Variants in CSMD2 observed in about 807,000 individuals in gnomAD.
CSMD2 encodes the protein CUB and sushi domain-containing protein 2.
In CSMD2, 130 loss-of-function variants were observed where a neutral mutation model predicts 398.5. The observed-to-expected ratio is 0.33, with a 90% CI of 0.28 to 0.38. The LOEUF is 0.38. Ranked by LOEUF, CSMD2 falls within the 10% of genes least tolerant of loss-of-function variation. The probability of loss-of-function intolerance (pLI) is 1.00; values close to 1 mark genes in which losing one functional copy is unlikely to be tolerated. For synonymous variants in CSMD2, 1,828 were observed against 1,908.5 expected, an observed-to-expected ratio of 0.96 and a Z score of 1.10; for missense variants, 3,829 against 4,764.9, an observed-to-expected ratio of 0.80 and a Z score of 5.78.
chr1:33,538,830 A>G (rs1183923220), intron 60 of CSMD2, among the ~76,000 whole-genome samples: 1 of 152,236 alleles, frequency 6.6e-6, no homozygotes, highest in African/African-American at 2.4e-5. Flanking sequence ...GCATCCAGAA[A>G]CATTCTCATT....
In CSMD2 at chr1:33,537,448, G is replaced by A. The variant is rs200647732; in HGVS notation, c.9793C>T (p.Pro3265Ser). ...QSDGTWSGTQ[P>S]SCIDPTLTTC... is the part of the protein sequence containing the mutation. ...GATGACCTCTCACCTATGCAGCTGG[G>A]CTGGGTGCCACTCCATGTCCCATCT... Residue 3265 changes from proline (P) to serine (S), a missense_variant, in exon 61 of 71, where the codon CCC becomes TCC. Around this residue, in one of 5 missense-constraint regions of CSMD2, gnomAD observed 917 missense variants for 1,199.5 expected, o/e 0.76. Transcript: ENST00000373381. The surrounding 1 kb of genome is among the most constrained non-coding windows in gnomAD (Gnocchi z 4.6). The A allele has an allele frequency of 6.2e-7, 1 of 1,612,738 alleles. No homozygotes were observed. Among genetic ancestry groups the A allele is most frequent in the Non-Finnish European group, 8.5e-7 (1 of 1,179,326 alleles).
intron 10 of CSMD2, among the ~76,000 whole-genome samples, chr1:33,805,278 A>C (rs1340055296): frequency 2.6e-5 from 4 of 152,220 alleles, no homozygotes; most frequent in Non-Finnish European, 4.4e-5. Flanking sequence ...ATATGATTTC[A>C]TGGTATTAAG....
In CSMD2 at chr1:33,640,833, A is replaced by G. The variant is rs558759413; in HGVS notation, c.4775-4279T>C. On this transcript the variant is annotated intron_variant, in intron 29 of 70. Coordinates refer to ENST00000373381, the MANE Select transcript of CSMD2 (RefSeq NM_001281956.2). ...AAGATAGTTCTAATTTGCATTTAAGAAGAATGACCCATAACAGCAGCAGGT... is the reference window on the plus strand; with the variant it reads ...AAGATAGTTCTAATTTGCATTTAAGGAGAATGACCCATAACAGCAGCAGGT... Among the ~76,000 whole-genome samples, 69 of 152,318 alleles carry G rather than the reference A, an allele frequency of 4.5e-4. No individual in the cohort carries two copies. In the South Asian group the frequency reaches 5.0e-3, roughly 11 times the overall value.
chr1:33,552,276 A>G (rs752583783), intron 55 of CSMD2, among the ~76,000 whole-genome samples: 7 of 152,228 alleles, frequency 4.6e-5, no homozygotes, highest in Admixed American at 1.3e-4. Context: ...AAGAATATGG[A>G]GAAATTGTAA....
intron 10 of CSMD2, among the ~76,000 whole-genome samples, chr1:33,793,618 T>C (rs1281865637): frequency 6.6e-6 from 1 of 152,134 alleles, no homozygotes; most frequent in East Asian, 1.9e-4. Context: ...AGTAGAGTTT[T>C]AAATAGTGGG....
In CSMD2 at chr1:33,819,786, C is replaced by A; in HGVS notation, c.1251G>T (p.Gly417=). 1.2e-6 allele frequency: 2 copies of A among 1,614,088 alleles called. No homozygotes were observed. Among genetic ancestry groups the A allele is most frequent in the Admixed American group, 1.7e-5 (1 of 60,022 alleles). ...CTTTCATACAGGTGATCCGCTTGGA[C>A]CCTTGCAGGTCATAGCCCTCGTTGC... ...FTCNEGYDLQ[G]SKRITCMKVS... The change falls in exon 9 of 71, where the codon GGG becomes GGT. Residue 417 remains glycine, a synonymous_variant. Coordinates refer to ENST00000373381, the MANE Select transcript of CSMD2 (RefSeq NM_001281956.2).
chr1:33,690,194 G>A (rs1298461232), intron 25 of CSMD2, among the ~76,000 whole-genome samples: 1 of 152,066 alleles, frequency 6.6e-6, no homozygotes, highest in Non-Finnish European at 1.5e-5. Context: ...TCCCATGAAT[G>A]CCGCCACCCA....
At chr1:33,667,512 C>A (rs1350983185) in intron 25 of CSMD2, among the ~76,000 whole-genome samples, 1 of 152,166 alleles carries the variant, frequency 6.6e-6, no homozygotes, top group Non-Finnish European at 1.5e-5. Flanking sequence ...CCAGGTCAGA[C>A]CTTAGTGCTT....
intron 53 of CSMD2, among the ~76,000 whole-genome samples, chr1:33,563,859 T>A (rs1188244673): frequency 6.6e-6 from 1 of 151,996 alleles, no homozygotes; most frequent in East Asian, 1.9e-4. Context: ...ATTTTGAGAG[T>A]CTGGTTGACA....
chr1:33,622,079 G>C (rs111893833), intron 37 of CSMD2, 88 bp downstream of exon 37: 1 of 949,618 alleles, frequency 1.1e-6, no homozygotes, highest in East Asian at 2.4e-5. Context: ...ACAATATGCA[G>C]CTCCAGTTTA....
rs923125214 is a variant in CSMD2, at chr1:33,559,524, C to G, written c.8381-51G>C. 1 of 1,488,258 alleles carries G rather than the reference C, an allele frequency of 6.7e-7. No homozygotes were observed. 92.2% of individuals were successfully genotyped at this position (1,488,258 alleles called of 1,614,324 possible). On this transcript the variant is annotated intron_variant, in intron 53 of 70. Coordinates refer to ENST00000373381, the MANE Select transcript of CSMD2 (RefSeq NM_001281956.2). The surrounding 1 kb of genome is among the most constrained non-coding windows in gnomAD (Gnocchi z 4.0). ...AGCCCTCCTACTATTCCACACCCCT[C>G]AGAATTTATCCACCTCTCACCTGGC...
intron 3 of CSMD2, among the ~76,000 whole-genome samples, chr1:33,957,929 CTGTGTGTGTGTG>C (rs72457395): frequency 9.3e-5 from 14 of 150,214 alleles, no homozygotes; most frequent in Non-Finnish European, 1.8e-4. Context: ...AACTCAGTCA[CTGTGTGTGTGTG>C]TGTGTGTGTG....
chr1:33,658,753 A>G (rs1473033989), intron 26 of CSMD2, among the ~76,000 whole-genome samples: 1 of 152,142 alleles, frequency 6.6e-6, no homozygotes, highest in Non-Finnish European at 1.5e-5. Context: ...TATTCTAGCT[A>G]CTCTGGAGGC....
chr1:33,889,753 C>CTGTGTGTGTGTGTG (rs55771161), intron 5 of CSMD2, among the ~76,000 whole-genome samples: 63 of 148,172 alleles, frequency 4.3e-4, no homozygotes, highest in Middle Eastern at 3.5e-3. Context: ...ACCTCCTATC[C>CTGTGTGTGTGTGTG]TGTGTGTGTG....
intron 3 of CSMD2, among the ~76,000 whole-genome samples, chr1:33,997,583 AG>A (rs1161484353): frequency 6.6e-6 from 1 of 152,162 alleles, no homozygotes; most frequent in African/African-American, 2.4e-5. Context: ...CTTGCTGAGC[AG>A]GCAAACGGTG....
chr1:33,725,479 T>C lies in CSMD2; in HGVS notation c.2565A>G (p.Ser855=). Residue 855 remains serine, a synonymous_variant, in exon 17 of 71, where the codon TCA becomes TCG. Coordinates refer to ENST00000373381, the MANE Select transcript of CSMD2 (RefSeq NM_001281956.2). ...TLEVRDGRTY[S]APLIGVYHGT... Reference sequence around the variant, plus strand: ...CGTGGTAAACCCCGATCAAGGGCGCTGAGTAAGTCCGCCCATCGCGTACTT... The same window carrying C: ...CGTGGTAAACCCCGATCAAGGGCGCCGAGTAAGTCCGCCCATCGCGTACTT... The C allele has an allele frequency of 6.2e-7, 1 of 1,614,226 alleles. No individual in the cohort carries two copies. Among genetic ancestry groups the C allele is most frequent in the South Asian group, 1.1e-5 (1 of 91,088 alleles).
intron 5 of CSMD2, among the ~76,000 whole-genome samples, chr1:33,857,559 C>T (rs935908630): frequency 2.0e-5 from 3 of 152,096 alleles, no homozygotes; most frequent in Admixed American, 6.5e-5. Context: ...CTGCAAATGG[C>T]GGCTGCTTGA....
intron 2 of CSMD2, among the ~76,000 whole-genome samples, chr1:34,087,187 C>A (rs1484217136): frequency 6.6e-6 from 1 of 151,996 alleles, no homozygotes; most frequent in Non-Finnish European, 1.5e-5. Context: ...ACATGGGATA[C>A]CACACCATAC....
chr1:33,579,492 C>T (rs1638539304), intron 48 of CSMD2, among the ~76,000 whole-genome samples: 1 of 151,980 alleles, frequency 6.6e-6, no homozygotes, highest in Admixed American at 6.6e-5. Context: ...CACCTTCTCC[C>T]AGGGGCCCTC....
Sources: gnomAD v4.1 joint callset for allele counts (sites outside exome capture counted in the v4.1 genomes callset) on GRCh38, gnomAD v4.1.1 for gene constraint, gnomAD v4.1.1 regional missense constraint, Gnocchi (gnomAD v3.1) non-coding constraint, MANE v1.5 for transcripts, NCBI Gene and HGNC (gene_info 2026-07-23, HGNC 2026-07-21) for gene names.